The following PKHD1 variants were observed in gnomAD, a reference collection of about 807,000 sequenced individuals.
PKHD1 encodes the protein fibrocystin.
In PKHD1, 291 loss-of-function variants were observed where a neutral mutation model predicts 412.0. The ratio of observed to expected loss-of-function variants is 0.71; its 90% confidence interval spans 0.64 to 0.78. The LOEUF is 0.78. PKHD1 is among the 30% of genes least tolerant of loss of function. The probability of loss-of-function intolerance (pLI) is 0.00; values close to 1 mark genes in which losing one functional copy is unlikely to be tolerated. For synonymous variants in PKHD1, 1,777 were observed against 1,821.5 expected, an observed-to-expected ratio of 0.98 and a Z score of 0.62; for missense variants, 4,825 against 4,950.7, an observed-to-expected ratio of 0.97 and a Z score of 0.76.
Position 52,025,791 on chromosome 6 carries a change from G to A in PKHD1, c.4019C>T (p.Thr1340Ile), listed in dbSNP as rs376567257. The change falls in exon 32 of 67, where the codon ACA (threonine) becomes ATA (isoleucine). Residue 1340 changes from threonine to isoleucine, a missense_variant. By Grantham distance (89) the Thr-to-Ile change is moderately conservative. Transcript: ENST00000371117. ...GCTCACGTTGCCCTGGAAGGACTGT[G>A]TCTCAACATCACAGTTCAGGTTCCC... is the stretch of plus-strand genomic sequence containing the variant. ...LLGNLNCDVE[T>I]QSFQGNVSLS... 1.2e-6 allele frequency: 2 copies of A among 1,614,202 alleles called. No homozygotes were observed. Among genetic ancestry groups the A allele is most frequent in the East Asian group, 2.2e-5 (1 of 44,882 alleles).
rs777859323 is a variant in PKHD1, at chr6:51,855,940, T to C, written c.7864A>G (p.Thr2622Ala). 4.5e-5 allele frequency: 73 copies of C among 1,613,808 alleles called. No homozygotes were observed. The Middle Eastern group carries it at 8.2e-4, about 18-fold the overall frequency. The stretch of plus-strand genomic sequence containing the variant: ...AGGTTCTCAGATTGCAATGAGTAGG[T>C]CTCTTGGTCCAAGAGCAGAGCCATC... Reference protein sequence around the residue: ...GWMALLLDQETYSLQSENLWI... With the variant: ...GWMALLLDQEAYSLQSENLWI... The change falls in exon 49 of 67, where the codon ACC (threonine) becomes GCC (alanine). Residue 2622 changes from threonine (T) to alanine (A), a missense_variant. Coordinates refer to ENST00000371117, the MANE Select transcript of PKHD1 (RefSeq NM_138694.4).
At chr6:51,680,576 T>A (rs928876096) in intron 60 of PKHD1, among the ~76,000 whole-genome samples, 1 of 152,030 alleles carries the variant, frequency 6.6e-6, no homozygotes, top group Non-Finnish European at 1.5e-5. Context: ...TTAAAATGCA[T>A]TCACTGAAGT....
intron 34 of PKHD1, among the ~76,000 whole-genome samples, chr6:52,016,159 C>G (rs1800499040): frequency 6.6e-6 from 1 of 152,146 alleles, no homozygotes; most frequent in Non-Finnish European, 1.5e-5. Flanking sequence ...CAGAGTTCTT[C>G]TTGCCCTTTT....
intron 62 of PKHD1, among the ~76,000 whole-genome samples, 189 bp downstream of exon 62, chr6:51,648,896 G>T (rs148449564): frequency 9.2e-5 from 14 of 152,302 alleles, no homozygotes; most frequent in Non-Finnish European, 1.8e-4. Context: ...AATGTTCAGA[G>T]AAAATAGAAG....
chr6:52,078,382 T>C (rs1811605717), intron 5 of PKHD1, among the ~76,000 whole-genome samples: 1 of 152,074 alleles, frequency 6.6e-6, no homozygotes, highest in South Asian at 2.1e-4. Context: ...GGAGAGGAAA[T>C]GCAGCAGATT....
At chr6:51,839,552 T>C (rs529565001) in intron 50 of PKHD1, among the ~76,000 whole-genome samples, 3 of 152,250 alleles carry the variant, frequency 2.0e-5, no homozygotes, top group Admixed American at 6.5e-5. Flanking sequence ...GTTACTAAAG[T>C]AGATGTGATA....
intron 38 of PKHD1, 113 bp from the exon 39 acceptor site, chr6:51,912,069 T>A: frequency 2.3e-6 from 2 of 884,890 alleles, no homozygotes; most frequent in Non-Finnish European, 3.6e-6. Flanking sequence ...CATGTTTCTT[T>A]AGAAACTCAA....
chr6:51,708,505 T>C (rs919608824), intron 60 of PKHD1, among the ~76,000 whole-genome samples: 4 of 152,216 alleles, frequency 2.6e-5, no homozygotes, highest in African/African-American at 4.8e-5. Flanking sequence ...TTACTGCCCT[T>C]AGAATCAAGT....
At chr6:51,661,769 C>T (rs529593070) in intron 60 of PKHD1, among the ~76,000 whole-genome samples, 28 of 151,996 alleles carry the variant, frequency 1.8e-4, no homozygotes, top group African/African-American at 4.1e-4. Flanking sequence ...TTTATATTCA[C>T]GAAATCATTC....
chr6:51,789,824 A>G (rs1247236524), intron 53 of PKHD1, among the ~76,000 whole-genome samples: 1 of 152,224 alleles, frequency 6.6e-6, no homozygotes, highest in Non-Finnish European at 1.5e-5. Flanking sequence ...GATGTGAATG[A>G]AGGGCTATAG....
chr6:52,058,023 G>A (rs538271621), intron 16 of PKHD1, among the ~76,000 whole-genome samples: 15 of 152,306 alleles, frequency 9.8e-5, no homozygotes, highest in South Asian at 4.1e-4. Context: ...ATGCATGCAC[G>A]CATACATGTC....
intron 52 of PKHD1, among the ~76,000 whole-genome samples, chr6:51,817,637 G>A (rs1337615635): frequency 1.3e-5 from 2 of 152,178 alleles, no homozygotes; most frequent in Non-Finnish European, 2.9e-5. Context: ...ATGAATGAGA[G>A]CGGCTGGGAT....
chr6:51,748,610 T>C lies in PKHD1; in HGVS notation c.9006A>G (p.Ser3002=). 6.2e-7 allele frequency: 1 copy of C among 1,613,534 alleles called. No individual in the cohort carries two copies. The highest frequency in any genetic ancestry group is 8.5e-7 in the Non-Finnish European group (1 of 1,179,554). Residue 3002 remains serine, a synonymous_variant, in exon 58 of 67, where the codon TCA becomes TCG. Coordinates refer to ENST00000371117, the MANE Select transcript of PKHD1 (RefSeq NM_138694.4). The part of the protein sequence containing the change: ...EIQNFGSPLY[S]SVEFSNVSAG... ...CTGACACATTACTGAATTCAACAGATGAGTACAATGGTGACCCGAAGTTCT... is the reference window on the plus strand; with the variant it reads ...CTGACACATTACTGAATTCAACAGACGAGTACAATGGTGACCCGAAGTTCT...
intron 63 of PKHD1, among the ~76,000 whole-genome samples, chr6:51,643,307 T>A (rs192347675): frequency 6.6e-6 from 1 of 152,260 alleles, no homozygotes; most frequent in East Asian, 1.9e-4. Context: ...TGTCTACAAA[T>A]CTGTACAAGG....
At chr6:51,625,331 A>T (rs1767095581) in intron 66 of PKHD1, among the ~76,000 whole-genome samples, 1 of 152,200 alleles carries the variant, frequency 6.6e-6, no homozygotes, top group Non-Finnish European at 1.5e-5. Context: ...AACAAAATTT[A>T]TGTAAAGCTA....
Position 51,748,513 on chromosome 6 carries a change from C to A in PKHD1, c.9103G>T (p.Gly3035Ter), listed in dbSNP as rs1169572994. The A allele has an allele frequency of 1.2e-6, 2 of 1,613,870 alleles. No individual in the cohort carries two copies. Among genetic ancestry groups the A allele is most frequent in the Non-Finnish European group, 1.7e-6 (2 of 1,179,900 alleles). The change falls in exon 58 of 67, where the codon GGA becomes TGA. Residue 3035 changes from glycine to a stop codon, truncating the protein, a stop_gained. Coordinates refer to ENST00000371117, the MANE Select transcript of PKHD1 (RefSeq NM_138694.4). LOFTEE classifies it high-confidence loss of function. ...GGGIHAAASH[G>*]VLLNDNIVFG... ...ACAATATTGTCATTTAAAAGTACTCCATGACTGGCAGCTGCATGAATGCCC... is the reference window on the plus strand; with the variant it reads ...ACAATATTGTCATTTAAAAGTACTCAATGACTGGCAGCTGCATGAATGCCC...
intron 6 of PKHD1, among the ~76,000 whole-genome samples, chr6:52,075,074 G>C (rs889617193): frequency 6.6e-6 from 1 of 152,160 alleles, no homozygotes; most frequent in African/African-American, 2.4e-5. Context: ...CAGAGCAGCA[G>C]GGACCCACAT....
chr6:52,010,524 C>T (rs1581728074), intron 34 of PKHD1, 65 bp from the exon 35 acceptor site: 2 of 1,328,148 alleles, frequency 1.5e-6, no homozygotes, highest in Admixed American at 1.7e-5. Context: ...TATTTTTACT[C>T]TTATTAATCA....
intron 35 of PKHD1, among the ~76,000 whole-genome samples, chr6:51,968,854 T>G (rs1793235452): frequency 6.6e-6 from 1 of 152,120 alleles, no homozygotes; most frequent in African/African-American, 2.4e-5. Flanking sequence ...ATCCTCAAAT[T>G]CAAACATATT....
Sources: allele counts gnomAD v4.1 joint callset (sites outside exome capture counted in the v4.1 genomes callset), GRCh38; gene constraint gnomAD v4.1.1; transcripts MANE v1.5; gene names NCBI Gene and HGNC (gene_info 2026-07-23, HGNC 2026-07-21).